Variants in INPP4B observed in about 807,000 individuals in gnomAD.
INPP4B encodes the protein inositol polyphosphate 4-phosphatase type II.
Under a neutral mutation model 122.5 loss-of-function variants are expected in INPP4B, and 55 were observed. That is an observed-to-expected ratio of 0.45 (90% CI 0.36 to 0.56). The LOEUF (loss-of-function observed/expected upper bound fraction) is 0.56. INPP4B is among the 20% of genes least tolerant of loss of function. The pLI is 0.00. For synonymous variants in INPP4B, 403 were observed against 388.7 expected (o/e 1.04, Z -0.43); for missense variants, 1,000 against 1,097.7 (o/e 0.91, Z 1.26).
At chr4:142,641,263 T>C (rs934857839) in intron 2 of INPP4B, among the ~76,000 whole-genome samples, 1 of 152,092 alleles carries the variant, frequency 6.6e-6, no homozygotes, top group Non-Finnish European at 1.5e-5. Flanking sequence ...ACTTTTATTT[T>C]TTTCATTTTA....
At chr4:142,719,883 A>C (rs1764284430) in intron 2 of INPP4B, among the ~76,000 whole-genome samples, 1 of 152,202 alleles carries the variant, frequency 6.6e-6, no homozygotes, top group African/African-American at 2.4e-5. Context: ...ACTAAGTAAA[A>C]AGGGCACAGA....
chr4:142,492,828 A>C (rs2149788614), intron 2 of INPP4B, among the ~76,000 whole-genome samples: 1 of 152,342 alleles, frequency 6.6e-6, no homozygotes, highest in East Asian at 1.9e-4. Context: ...AATTTGCATA[A>C]GTAATGAGAA....
rs1743936083 is a variant in INPP4B at position 142,268,323 on chromosome 4, A to AAAAAAAAAAAAAAAAAAAAAAAT, written c.615+2339_615+2340insATTTTTTTTTTTTTTTTTTTTTT. Among the ~76,000 whole-genome samples, 2 of 100,886 alleles carry AAAAAAAAAAAAAAAAAAAAAAAT rather than the reference A, an allele frequency of 2.0e-5. 1 individual carries two copies. Among genetic ancestry groups the AAAAAAAAAAAAAAAAAAAAAAAT allele is most frequent in the Non-Finnish European group, 3.8e-5 (2 of 52,566 alleles). 66.2% of individuals were successfully genotyped at this position (100,886 alleles called of 152,430 possible). Reference sequence around the variant, plus strand: ...GGGTGACAGAGCAAGACTCCGTCTCAAAAAAAAAAAAAAAAAAAAAAAATG... The same window carrying AAAAAAAAAAAAAAAAAAAAAAAT: ...GGGTGACAGAGCAAGACTCCGTCTCAAAAAAAAAAAAAAAAAAAAAAATAAAAAAAAAAAAAAAAAAAAAAATG... On this transcript the variant is annotated intron_variant, in intron 10 of 25. Transcript: ENST00000262992.
In INPP4B at chr4:142,539,973, C is replaced by A. The variant is rs571030549; in HGVS notation, c.-190-77247G>T. On this transcript the variant is annotated intron_variant, in intron 2 of 25. Coordinates refer to ENST00000262992, the MANE Select transcript of INPP4B (RefSeq NM_001101669.3). ...CATGCTAGTTACTGGAAACACATATCTTTTTCAACATTTCAACTTGAAGTT... is the reference window on the plus strand; with the variant it reads ...CATGCTAGTTACTGGAAACACATATATTTTTCAACATTTCAACTTGAAGTT... Among the ~76,000 whole-genome samples the A allele has an allele frequency of 2.4e-4, 36 of 152,078 alleles. No homozygotes were observed. The East Asian group carries it at 6.4e-3, about 27-fold the overall frequency.
intron 2 of INPP4B, among the ~76,000 whole-genome samples, chr4:142,721,402 T>C (rs1291182020): frequency 6.6e-6 from 1 of 152,138 alleles, no homozygotes; most frequent in Non-Finnish European, 1.5e-5. Flanking sequence ...TTTTCTGCAA[T>C]GATGTATGGA....
intron 2 of INPP4B, among the ~76,000 whole-genome samples, chr4:142,694,153 G>A (rs1260676410): frequency 1.3e-5 from 2 of 152,012 alleles, no homozygotes; most frequent in South Asian, 2.1e-4. Context: ...CAGGCAGATC[G>A]CTTGAGGTCG....
In INPP4B at chr4:142,405,340, G is replaced by A; in HGVS notation, c.137-16C>T. ...TCCTTGCATGCTGGCAACGGCAGAG[G>A]AGACAGAAAGAAAAGAAACTAACAC... On this transcript the variant is annotated splice_polypyrimidine_tract_variant and intron_variant, in intron 5 of 25. Transcript: ENST00000262992. The A allele has an allele frequency of 2.0e-6, 3 of 1,463,796 alleles. No homozygotes were observed. Among genetic ancestry groups the A allele is most frequent in the Non-Finnish European group, 2.9e-6 (3 of 1,044,508 alleles). The allele number at this position is 1,463,796 out of a possible 1,614,324, so 90.7% of individuals were successfully genotyped here.
At chr4:142,445,610 C>T (rs979811142) in intron 3 of INPP4B, among the ~76,000 whole-genome samples, 2 of 152,096 alleles carry the variant, frequency 1.3e-5, no homozygotes, top group Non-Finnish European at 2.9e-5. Flanking sequence ...CTTGAGGACA[C>T]AAACATTCCT....
At chr4:142,795,818 T>TAAAC (rs2151076625) in intron 1 of INPP4B, among the ~76,000 whole-genome samples, 1 of 152,122 alleles carries the variant, frequency 6.6e-6, no homozygotes, top group East Asian at 1.9e-4. Flanking sequence ...ATCAGATTAA[T>TAAAC]AAACTGTACC....
intron 3 of INPP4B, among the ~76,000 whole-genome samples, chr4:142,444,780 T>C (rs1344569101): frequency 6.6e-6 from 1 of 151,826 alleles, no homozygotes; most frequent in Admixed American, 6.6e-5. Flanking sequence ...AATGATAAAC[T>C]GGATAAAGAA....
chr4:142,640,582 G>A (rs1380282769), intron 2 of INPP4B, among the ~76,000 whole-genome samples: 1 of 151,776 alleles, frequency 6.6e-6, no homozygotes, highest in Non-Finnish European at 1.5e-5. Flanking sequence ...TTCCTTACAA[G>A]AATTTAAAAA....
intron 22 of INPP4B, among the ~76,000 whole-genome samples, chr4:142,112,266 A>G (rs1790582254): frequency 1.3e-5 from 2 of 152,212 alleles, no homozygotes; most frequent in Admixed American, 1.3e-4. Context: ...ACACATAGGT[A>G]TTTGGAAACA....
At chr4:142,786,870 G>A (rs1460023883) in intron 1 of INPP4B, among the ~76,000 whole-genome samples, 1 of 151,808 alleles carries the variant, frequency 6.6e-6, no homozygotes, top group East Asian at 1.9e-4. Flanking sequence ...TTTAAAGAGG[G>A]GGAAACTGTC....
At chr4:142,681,732 T>G (rs1468025656) in intron 2 of INPP4B, among the ~76,000 whole-genome samples, 2 of 151,754 alleles carry the variant, frequency 1.3e-5, no homozygotes, top group African/African-American at 4.8e-5. Context: ...ATAATAGGAA[T>G]GTTAATAGTG....
chr4:142,561,077 G>A (rs1053552940), intron 2 of INPP4B, among the ~76,000 whole-genome samples: 2 of 152,216 alleles, frequency 1.3e-5, no homozygotes, highest in Non-Finnish European at 2.9e-5. Context: ...TAATAAGACA[G>A]CACTTAAATA....
intron 2 of INPP4B, among the ~76,000 whole-genome samples, chr4:142,611,637 C>CTTTTTTTT (rs34482115): frequency 3.7e-4 from 24 of 65,232 alleles, no homozygotes; most frequent in Non-Finnish European, 4.5e-4. Flanking sequence ...TTTCTTTTTT[C>CTTTTTTTT]TTTTTTTTTT....
In INPP4B at chr4:142,539,011, A is replaced by G. The variant is rs558201882; in HGVS notation, c.-190-76285T>C. On this transcript the variant is annotated intron_variant, in intron 2 of 25. Transcript: ENST00000262992. Reference sequence around the variant, plus strand: ...ATATTTGTACAAGACAATGAAAAAAATTGTTTAGACTTGATCCTGGCCCTT... The same window carrying G: ...ATATTTGTACAAGACAATGAAAAAAGTTGTTTAGACTTGATCCTGGCCCTT... Among the ~76,000 whole-genome samples the G allele has an allele frequency of 1.0e-3, 159 of 151,702 alleles. 1 individual carries two copies. Among genetic ancestry groups the G allele is most frequent in the African/African-American group, 3.8e-3 (156 of 41,470 alleles).
Position 142,184,302 on chromosome 4 carries a change from C to T in INPP4B, c.1181+8785G>A, listed in dbSNP as rs535801231. 3.9e-5 allele frequency among the ~76,000 whole-genome samples: 6 copies of T among 152,278 alleles called. No homozygotes were observed. In the East Asian group the frequency reaches 1.2e-3, roughly 29 times the overall value. On this transcript the variant is annotated intron_variant, in intron 15 of 25. Coordinates refer to ENST00000262992, the MANE Select transcript of INPP4B (RefSeq NM_001101669.3). ...AGCCATCTTTATATAAATTGTCTCC[C>T]TTCTTCTTTCGGAAGACGTAAAAGT...
At position 142,720,673 on chromosome 4, in the gene INPP4B, A is replaced by C. The variant is rs569283721; in HGVS notation, c.-191+5166T>G. On this transcript the variant is annotated intron_variant, in intron 2 of 25. Coordinates refer to ENST00000262992, the MANE Select transcript of INPP4B (RefSeq NM_001101669.3). ...ATATTTTTGATTCCCAGTTGGTTGA[A>C]TCTATGGATGTGGAACCCATTAATA... Among the ~76,000 whole-genome samples, 156 of 136,006 alleles carry C rather than the reference A, an allele frequency of 1.1e-3. 3 individuals are homozygous for C. In the South Asian group the frequency reaches 0.036, roughly 32 times the overall value. The allele number at this position is 136,006 out of a possible 152,430, so 89.2% of individuals were successfully genotyped here. A position where few individuals can be genotyped will look rare whatever the true frequency, so the allele number is the denominator to read the frequency against.
Sources: gnomAD v4.1 joint callset for allele counts (sites outside exome capture counted in the v4.1 genomes callset) on GRCh38, gnomAD v4.1.1 for gene constraint, MANE v1.5 for transcripts, NCBI Gene and HGNC (gene_info 2026-07-23, HGNC 2026-07-21) for gene names.